CAMTA1: variants seen among roughly 807,000 people sequenced by gnomAD.
CAMTA1 encodes calmodulin-binding transcription activator 1.
A neutral mutation model predicts 170.9 loss-of-function variants in CAMTA1; 27 were observed. That is an observed-to-expected ratio of 0.16 (90% CI 0.12 to 0.22). The LOEUF (loss-of-function observed/expected upper bound fraction) is 0.22, where lower values mean the gene tolerates loss of function less well. Ranked by LOEUF, CAMTA1 falls within the 10% of genes least tolerant of loss-of-function variation. The pLI, the probability that CAMTA1 is intolerant of heterozygous loss-of-function variation, is 1.00. For synonymous variants in CAMTA1, 833 were observed against 891.5 expected (o/e 0.93, Z 1.17); for missense variants, 1,619 against 2,217.2 (o/e 0.73, Z 5.42).
intron 4 of CAMTA1, among the ~76,000 whole-genome samples, chr1:7,128,795 C>T (rs1245162618): frequency 1.4e-5 from 2 of 146,330 alleles, no homozygotes; most frequent in East Asian, 2.0e-4. Context: ...GCTGGGATTA[C>T]AGGCGTGTGC....
In CAMTA1 at chr1:6,833,455, A is replaced by G. The variant is rs146880605; in HGVS notation, c.234+8245A>G. Among the ~76,000 whole-genome samples, 119 of 152,360 alleles carry G rather than the reference A, an allele frequency of 7.8e-4. 2 individuals are homozygous for G. The East Asian group carries it at 0.02, about 25-fold the overall frequency. Reference sequence around the variant, plus strand: ...TACAAAACTAATAAAGTTTTATATTAACAGGGTTAGTTAAATGCAATAGAT... The same window carrying G: ...TACAAAACTAATAAAGTTTTATATTGACAGGGTTAGTTAAATGCAATAGAT... On this transcript the variant is annotated intron_variant, in intron 3 of 22. Transcript: ENST00000303635.
chr1:7,694,623 C>T (rs1479444235), intron 11 of CAMTA1: 1 of 152,660 alleles, frequency 6.6e-6, no homozygotes, highest in African/African-American at 2.4e-5. Context: ...GGTCAAGTGT[C>T]CTCCCAATGG....
At chr1:7,722,636 C>G (rs1577190434) in intron 11 of CAMTA1, among the ~76,000 whole-genome samples, 2 of 151,922 alleles carry the variant, frequency 1.3e-5, no homozygotes, top group Non-Finnish European at 2.9e-5. Context: ...ATACTATAAC[C>G]TATGCTTATA....
Position 7,307,484 on chromosome 1 carries a change from T to C in CAMTA1, c.438+57858T>C, listed in dbSNP as rs559246810. On this transcript the variant is annotated intron_variant, in intron 5 of 22. Transcript: ENST00000303635. ...CTGGCTAGGGTTTCCCTACAAAGCT[T>C]ATGTGAGAATGGACAGTTTTGCCAT... Among the ~76,000 whole-genome samples, 29 of 152,152 alleles carry C rather than the reference T, an allele frequency of 1.9e-4. 1 individual carries two copies. The South Asian group carries it at 5.8e-3, about 30-fold the overall frequency.
chr1:6,926,442 T>TTCTTTCTTTTC (rs771171339), intron 3 of CAMTA1, among the ~76,000 whole-genome samples: 1 of 32,656 alleles, frequency 3.1e-5, no homozygotes, highest in Non-Finnish European at 6.1e-5. Flanking sequence ...TCTTTTCTCT[T>TTCTTTCTTTTC]TCTTTCTTTC....
At chr1:6,981,120 G>A (rs1297603929) in intron 3 of CAMTA1, among the ~76,000 whole-genome samples, 1 of 152,114 alleles carries the variant, frequency 6.6e-6, no homozygotes, top group Non-Finnish European at 1.5e-5. Context: ...GCAGTAAGAC[G>A]TAAATACACC....
In CAMTA1 at chr1:7,555,640, A is replaced by G. The variant is rs1436181210; in HGVS notation, c.511-84760A>G. ...GGCAGGAGAAAAGCCCCTGGCTCCCACGGAGCTCCAGGGCCCATGGGTGGC... is the reference window on the plus strand; with the variant it reads ...GGCAGGAGAAAAGCCCCTGGCTCCCGCGGAGCTCCAGGGCCCATGGGTGGC... On this transcript the variant is annotated intron_variant, in intron 6 of 22. Transcript: ENST00000303635. 2.6e-5 allele frequency among the ~76,000 whole-genome samples: 4 copies of G among 152,216 alleles called. No individual in the cohort carries two copies. In the South Asian group the frequency reaches 6.2e-4, roughly 24 times the overall value.
chr1:7,195,792 G>A lies in CAMTA1; in HGVS notation c.303-53699G>A. Among the ~76,000 whole-genome samples, 1 of 152,218 alleles carries A rather than the reference G, an allele frequency of 6.6e-6. No homozygotes were observed. Among genetic ancestry groups the A allele is most frequent in the East Asian group, 1.9e-4 (1 of 5,196 alleles). On this transcript the variant is annotated intron_variant, in intron 4 of 22. Transcript: ENST00000303635. This position sits in a 1 kb window ranked among gnomAD's most constrained non-coding sequence, Gnocchi z 4.1. Reference sequence around the variant, plus strand: ...CCAGCACTTTGGGAAGCCAAGGCAGGCAGATCACCTGAGGTCAGGAGTTCA... The same window carrying A: ...CCAGCACTTTGGGAAGCCAAGGCAGACAGATCACCTGAGGTCAGGAGTTCA...
intron 16 of CAMTA1, among the ~76,000 whole-genome samples, chr1:7,741,807 A>G (rs1183920354): frequency 6.6e-6 from 1 of 151,786 alleles, no homozygotes; most frequent in Non-Finnish European, 1.5e-5. Flanking sequence ...AGGCACAAGA[A>G]TTGCTTGAAC....
chr1:7,319,851 T>C (rs1262512123), intron 5 of CAMTA1, among the ~76,000 whole-genome samples: 4 of 147,484 alleles, frequency 2.7e-5, no homozygotes, highest in Non-Finnish European at 6.1e-5. Flanking sequence ...TTTGATGCTA[T>C]ACTAAATCAT....
intron 6 of CAMTA1, among the ~76,000 whole-genome samples, chr1:7,507,197 C>T (rs1004876476): frequency 9.2e-5 from 14 of 152,040 alleles, no homozygotes; most frequent in South Asian, 2.1e-4. Context: ...ATAACACCCT[C>T]ACAGTGGCAC....
intron 8 of CAMTA1, among the ~76,000 whole-genome samples, chr1:7,663,017 C>T (rs1314414818): frequency 3.3e-5 from 5 of 152,190 alleles, no homozygotes; most frequent in Admixed American, 6.5e-5. Context: ...TCTCTGATGG[C>T]GGAGGGGACT....
chr1:7,233,210 T>C (rs1172258863), intron 4 of CAMTA1, among the ~76,000 whole-genome samples: 1 of 152,210 alleles, frequency 6.6e-6, no homozygotes, highest in Non-Finnish European at 1.5e-5. Context: ...GGATTCTTAA[T>C]AAAATATCGG....
intron 3 of CAMTA1, among the ~76,000 whole-genome samples, chr1:6,828,464 G>A (rs183208324): frequency 6.6e-6 from 1 of 151,798 alleles, no homozygotes; most frequent in East Asian, 1.9e-4. Context: ...GCTAATTTTT[G>A]TATTTTTAGT....
chr1:7,175,058 G>T (rs1355910852), intron 4 of CAMTA1, among the ~76,000 whole-genome samples: 1 of 151,796 alleles, frequency 6.6e-6, no homozygotes, highest in African/African-American at 2.4e-5. Context: ...GTGTGTGCGT[G>T]TGTGTGTGTG....
At chr1:6,974,201 G>C (rs1693021529) in intron 3 of CAMTA1, among the ~76,000 whole-genome samples, 1 of 152,234 alleles carries the variant, frequency 6.6e-6, no homozygotes, top group Admixed American at 6.5e-5. Flanking sequence ...GGAACAAGGA[G>C]AGGGAGGAAC....
chr1:6,878,824 A>G (rs1670660248), intron 3 of CAMTA1, among the ~76,000 whole-genome samples: 1 of 152,120 alleles, frequency 6.6e-6, no homozygotes, highest in African/African-American at 2.4e-5. Flanking sequence ...CCCCTCCTCA[A>G]AACCCTTCAC....
chr1:7,236,223 G>T (rs1273508976), intron 4 of CAMTA1, among the ~76,000 whole-genome samples: 1 of 152,096 alleles, frequency 6.6e-6, no homozygotes, highest in Non-Finnish European at 1.5e-5. Context: ...GCTTCTTGAG[G>T]TTCCATGTGG....
At chr1:7,021,316 G>A (rs1247733289) in intron 3 of CAMTA1, among the ~76,000 whole-genome samples, 5 of 152,196 alleles carry the variant, frequency 3.3e-5, no homozygotes, top group Non-Finnish European at 5.9e-5. Context: ...CACCTGAACC[G>A]GGAGTCTGGA....
Sources: allele counts gnomAD v4.1 joint callset (sites outside exome capture counted in the v4.1 genomes callset), GRCh38; gene constraint gnomAD v4.1.1; non-coding constraint Gnocchi (gnomAD v3.1); transcripts MANE v1.5; gene names NCBI Gene and HGNC (gene_info 2026-07-23, HGNC 2026-07-21).